The following EIF2B1 variants were observed in gnomAD, a reference collection of about 807,000 sequenced individuals.
EIF2B1 encodes the protein translation initiation factor eIF2B subunit alpha.
A neutral mutation model predicts 36.8 loss-of-function variants in EIF2B1; 30 were observed. That is an observed-to-expected ratio of 0.81 (90% CI 0.61 to 1.10). EIF2B1 has a LOEUF of 1.10. EIF2B1 is among the 50% of genes least tolerant of loss of function. EIF2B1 has a pLI of 0.00. For missense variants in EIF2B1, 271 were observed against 374.8 expected (o/e 0.72, Z 2.29); for synonymous variants, 139 against 142.2 (o/e 0.98, Z 0.16).
At chr12:123,632,633 G>A (rs914804883) in intron 1 of EIF2B1, among the ~76,000 whole-genome samples, 187 bp from the exon 2 acceptor site, 3 of 152,226 alleles carry the variant, frequency 2.0e-5, no homozygotes, top group Non-Finnish European at 4.4e-5. Context: ...CTGTTTGCAA[G>A]AGCTCTTTTT....
At chr12:123,625,078 C>T (rs1229496166) in intron 6 of EIF2B1, among the ~76,000 whole-genome samples, 2 of 152,078 alleles carry the variant, frequency 1.3e-5, no homozygotes, top group African/African-American at 2.4e-5. Context: ...CTTCACACTG[C>T]CGCCCGGCGC....
rs1955086359 is a variant in EIF2B1 at position 123,620,993 on chromosome 12, G to A, written c.*763C>T. On this transcript the variant is annotated 3_prime_UTR_variant, in exon 9 of 9. Coordinates refer to ENST00000424014, the MANE Select transcript of EIF2B1 (RefSeq NM_001414.4). The stretch of plus-strand genomic sequence containing the variant: ...ACAGTGTTTTCCCCTAGATGGCCTG[G>A]TCAGCTTGCAGTATTGATGCAACAC... 1 of 152,656 alleles carries A rather than the reference G, an allele frequency of 6.6e-6. No homozygotes were observed. Among genetic ancestry groups the A allele is most frequent in the African/African-American group, 2.4e-5 (1 of 41,388 alleles). The allele number at this position is 152,656 out of a possible 1,614,324, so 9.5% of individuals were successfully genotyped here.
At chr12:123,632,275 AAAAAAAAAAAG>A (rs1955197575) in intron 2 of EIF2B1, 59 bp downstream of exon 2, 1 of 1,082,154 alleles carries the variant, frequency 9.2e-7, no homozygotes. Flanking sequence ...CTCTTTAAAA[AAAAAAAAAAAG>A]AAAAGAAAAA....
chr12:123,630,655 T>C lies in EIF2B1; in HGVS notation c.116-122A>G, dbSNP rs555489008. 1 of 1,352,816 alleles carries C rather than the reference T, an allele frequency of 7.4e-7. No individual in the cohort carries two copies. Among genetic ancestry groups the C allele is most frequent in the East Asian group, 2.3e-5 (1 of 42,714 alleles). The allele number at this position is 1,352,816 out of a possible 1,614,324, so 83.8% of individuals were successfully genotyped here. A position where few individuals can be genotyped will look rare whatever the true frequency, so the allele number is the denominator to read the frequency against. On this transcript the variant is annotated intron_variant, in intron 2 of 8. Coordinates refer to ENST00000424014, the MANE Select transcript of EIF2B1 (RefSeq NM_001414.4). The surrounding 1 kb of genome is among the most constrained non-coding windows in gnomAD (Gnocchi z 4.6). The stretch of plus-strand genomic sequence containing the variant: ...GTACATACTATATACCAGGCACTAT[T>C]CTAGATGCTAGGGATACATCAGTGA...
intron 5 of EIF2B1, 178 bp from the exon 6 acceptor site, chr12:123,626,671 T>A (rs1348098535): frequency 1.1e-5 from 8 of 750,110 alleles, no homozygotes; most frequent in South Asian, 3.3e-5. Context: ...TAGAAAGAAG[T>A]ATTTTTGGAA....
chr12:123,626,975 T>TG (rs1566215752), intron 5 of EIF2B1, 69 bp downstream of exon 5: 1 of 1,401,480 alleles, frequency 7.1e-7, no homozygotes, highest in East Asian at 2.3e-5. Flanking sequence ...CTGATCCTGT[T>TG]GGACTGTAAT....
chr12:123,632,899 C>A (rs3923720), intron 1 of EIF2B1, among the ~76,000 whole-genome samples: 1 of 144,052 alleles, frequency 6.9e-6, no homozygotes, highest in African/African-American at 2.6e-5. Flanking sequence ...TGAGCCGAGA[C>A]TGCGCCACTG....
rs541421586 is a variant in EIF2B1 at position 123,627,325 on chromosome 12, G to C, written c.370-169C>G. Among the ~76,000 whole-genome samples the C allele has an allele frequency of 2.6e-5, 4 of 152,284 alleles. No individual in the cohort carries two copies. In the East Asian group the frequency reaches 7.7e-4, roughly 29 times the overall value. On this transcript the variant is annotated intron_variant, in intron 4 of 8. Transcript: ENST00000424014. ...GGTACAGTTTCCATCCCATGTGCAA[G>C]CTAAAAAAGTTTCTGCCAGGTCTCA...
At chr12:123,622,254 T>C (rs1593777034) in intron 8 of EIF2B1, among the ~76,000 whole-genome samples, 1 of 152,212 alleles carries the variant, frequency 6.6e-6, no homozygotes. Context: ...TATCTTAGAA[T>C]CCTCATGACC....
intron 6 of EIF2B1, among the ~76,000 whole-genome samples, chr12:123,625,572 C>CA (rs553017803): frequency 2.6e-5 from 4 of 152,230 alleles, no homozygotes; most frequent in Non-Finnish European, 5.9e-5. Flanking sequence ...TAGAATTCCT[C>CA]AAAATCCTTA....
chr12:123,633,429 G>T, intron 1 of EIF2B1, 116 bp downstream of exon 1: 2 of 1,482,042 alleles, frequency 1.3e-6, no homozygotes, highest in Non-Finnish European at 1.9e-6. Flanking sequence ...ACAACCAGCG[G>T]AGCAGCCTGA....
chr12:123,623,036 T>C (rs1473833602), intron 7 of EIF2B1, among the ~76,000 whole-genome samples: 1 of 152,120 alleles, frequency 6.6e-6, no homozygotes, highest in African/African-American at 2.4e-5. Flanking sequence ...TAGATATATC[T>C]AATTCTGACT....
In EIF2B1 at chr12:123,621,896, C is replaced by CGACCT. The variant is rs779473190; in HGVS notation, c.773_777dup (p.Ala260ArgfsTer23). 8.7e-6 allele frequency: 14 copies of CGACCT among 1,613,956 alleles called. No individual in the cohort carries two copies. The highest frequency in any genetic ancestry group is 3.3e-5 in the Admixed American group (2 of 60,006). ...TCTTTGAGGTCTTGTCCAGTCTGCG[C>CGACCT]GACCTTGAGAGTGTCTGCCTTATAC... is the stretch of plus-strand genomic sequence containing the variant. On this transcript the variant is annotated frameshift_variant, in exon 9 of 9. Coordinates refer to ENST00000424014, the MANE Select transcript of EIF2B1 (RefSeq NM_001414.4). LOFTEE classifies it high-confidence loss of function.
In EIF2B1 at chr12:123,629,126, A is replaced by T. The variant is rs186617646; in HGVS notation, c.369+1043T>A. On this transcript the variant is annotated intron_variant, in intron 4 of 8. Coordinates refer to ENST00000424014, the MANE Select transcript of EIF2B1 (RefSeq NM_001414.4). The stretch of plus-strand genomic sequence containing the variant: ...TAATAACATACTTCAAAGGTTGGGA[A>T]GGGGCTAATAAAATGGAGGACAAGA... Among the ~76,000 whole-genome samples the T allele has an allele frequency of 5.9e-5, 9 of 152,296 alleles. No individual in the cohort carries two copies. The East Asian group carries it at 1.7e-3, about 29-fold the overall frequency.
rs1402891627 is a variant in EIF2B1, at chr12:123,620,577, ATAT to A, written c.*1176_*1178del. 1.0e-4 allele frequency: 9 copies of A among 86,196 alleles called. No individual in the cohort carries two copies. The highest frequency in any genetic ancestry group is 1.4e-4 in the Admixed American group (1 of 7,062). The allele number at this position is 86,196 out of a possible 1,614,324, so 5.3% of individuals were successfully genotyped here. Reference sequence around the variant, plus strand: ...ATGGGTCACATATAGACATATGTACATATTATATATATATATATATATATATAT... The same window carrying A: ...ATGGGTCACATATAGACATATGTACATATATATATATATATATATATATAT... On this transcript the variant is annotated 3_prime_UTR_variant, in exon 9 of 9. Coordinates refer to ENST00000424014, the MANE Select transcript of EIF2B1 (RefSeq NM_001414.4).
At chr12:123,626,783 T>C (rs1187955608) in intron 5 of EIF2B1, 5 of 664,840 alleles carry the variant, frequency 7.5e-6, no homozygotes, top group Non-Finnish European at 1.4e-5. Flanking sequence ...AAGTTACCTA[T>C]TCCTTGATAA....
rs1955113595 is a variant in EIF2B1 at position 123,622,712 on chromosome 12, A to G, written c.677T>C (p.Phe226Ser). 6.2e-7 allele frequency: 1 copy of G among 1,614,088 alleles called. No homozygotes were observed. Among genetic ancestry groups the G allele is most frequent in the African/African-American group, 1.3e-5 (1 of 74,944 alleles). Residue 226 changes from phenylalanine to serine, a missense_variant, in exon 8 of 9, where the codon TTC becomes TCC. Coordinates refer to ENST00000424014, the MANE Select transcript of EIF2B1 (RefSeq NM_001414.4). Reference protein sequence around the residue: ...AVCAKAQNKPFYVVAESFKFV... With the variant: ...AVCAKAQNKPSYVVAESFKFV... ...CTTGAAACTTTCTGCAACCACATAG[A>G]AAGGTTTGTTCTGTGCTTTGGCACA...
Position 123,630,206 on chromosome 12 carries a change from AT to A in EIF2B1, c.331del (p.Ile111LeufsTer16). On this transcript the variant is annotated frameshift_variant, in exon 4 of 9. Transcript: ENST00000424014. LOFTEE classifies it high-confidence loss of function. This position sits in a 1 kb window ranked among gnomAD's most constrained non-coding sequence, Gnocchi z 4.6. The stretch of plus-strand genomic sequence containing the variant: ...GATGAAAGTATGGCACAGATCTGCA[AT>A]TTTGTTTCTTGACAGTGATATTCTC... ...LRRISLSRNK[I>X]ADLCHTFIKD... The A allele has an allele frequency of 6.2e-7, 1 of 1,614,060 alleles. No homozygotes were observed. Among genetic ancestry groups the A allele is most frequent in the Non-Finnish European group, 8.5e-7 (1 of 1,180,034 alleles).
chr12:123,621,985 G>C (rs1174374542), intron 8 of EIF2B1, 65 bp from the exon 9 acceptor site: 6 of 1,591,086 alleles, frequency 3.8e-6, no homozygotes, highest in Middle Eastern at 2.0e-4. Flanking sequence ...TAGGGCCTTG[G>C]TGTGAGTGAT....
Sources: gnomAD v4.1 joint callset for allele counts (sites outside exome capture counted in the v4.1 genomes callset) on GRCh38, gnomAD v4.1.1 for gene constraint, Gnocchi (gnomAD v3.1) non-coding constraint, MANE v1.5 for transcripts, NCBI Gene and HGNC (gene_info 2026-07-23, HGNC 2026-07-21) for gene names.